Variants in DMXL1 observed in about 807,000 individuals in gnomAD.
DMXL1 encodes Dmx like 1, also known as dmX-like protein 1.
DMXL1 carries 99 observed loss-of-function variants against 319.2 expected under a neutral mutation model. The observed-to-expected ratio is 0.31, with a 90% CI of 0.26 to 0.37. DMXL1 has a LOEUF of 0.37. Ranked by LOEUF, DMXL1 falls within the 10% of genes least tolerant of loss-of-function variation. The pLI is 1.00. For missense variants in DMXL1, 3,745 were observed against 3,595.6 expected (o/e 1.04, Z -1.06); for synonymous variants, 1,385 against 1,235.2 (o/e 1.12, Z -2.54).
At chr5:119,131,275 G>C (rs1764832484) in intron 10 of DMXL1, among the ~76,000 whole-genome samples, 1 of 151,894 alleles carries the variant, frequency 6.6e-6, no homozygotes, top group Non-Finnish European at 1.5e-5. Flanking sequence ...ACCAGGAATT[G>C]GGGGAGGGTG....
intron 1 of DMXL1, among the ~76,000 whole-genome samples, chr5:119,089,721 G>C (rs867570812): frequency 6.6e-6 from 1 of 150,954 alleles, no homozygotes; most frequent in African/African-American, 2.4e-5. Context: ...CACCTCCTGG[G>C]TTCAAGCAAT....
intron 1 of DMXL1, among the ~76,000 whole-genome samples, chr5:119,088,511 A>C (rs2149725367): frequency 6.6e-6 from 1 of 152,298 alleles, no homozygotes; most frequent in South Asian, 2.1e-4. Flanking sequence ...ATTGGTAAGT[A>C]AGGATTTACT....
In DMXL1 at chr5:119,167,780, C is replaced by T; in HGVS notation, c.5314C>T (p.Leu1772Phe). ...CATAAATATGCATCATGATCCTTTT[C>T]TTCGGAGCATGGCATATTGGATTTT... ...LNINMHHDPF[L>F]RSMAYWILED... is the part of the protein sequence containing the mutation. The change falls in exon 23 of 44, where the codon CTT becomes TTT. Residue 1772 changes from leucine (L) to phenylalanine (F), a missense_variant. Coordinates refer to ENST00000539542, the MANE Select transcript of DMXL1 (RefSeq NM_001290321.3). 6.2e-7 allele frequency: 1 copy of T among 1,613,546 alleles called. No homozygotes were observed. The highest frequency in any genetic ancestry group is 8.5e-7 in the Non-Finnish European group (1 of 1,179,688).
At chr5:119,152,074 G>A (rs754357045) in intron 19 of DMXL1, 38 bp downstream of exon 19, 168 of 1,416,088 alleles carry the variant, frequency 1.2e-4, no homozygotes, top group South Asian at 3.4e-4. Flanking sequence ...GAAATAAAGC[G>A]AGTAGAAAAT....
chr5:119,188,225 T>A (rs547317131), intron 28 of DMXL1, among the ~76,000 whole-genome samples: 1 of 152,334 alleles, frequency 6.6e-6, no homozygotes, highest in South Asian at 2.1e-4. Flanking sequence ...TACGTGTTTT[T>A]TTTTCAGAGA....
At chr5:119,075,487 C>T (rs1750633103) in intron 1 of DMXL1, among the ~76,000 whole-genome samples, 1 of 152,072 alleles carries the variant, frequency 6.6e-6, no homozygotes, top group South Asian at 2.1e-4. Context: ...GATCCGCCCA[C>T]CTCGGCCTCC....
intron 33 of DMXL1, 127 bp from the exon 34 acceptor site, chr5:119,206,707 G>GT: frequency 1.8e-6 from 1 of 557,662 alleles, no homozygotes; most frequent in Non-Finnish European, 3.0e-6. Context: ...TTTGAGAATA[G>GT]TAACTCCATA....
chr5:119,130,383 C>A (rs1252930480), intron 10 of DMXL1, among the ~76,000 whole-genome samples: 1 of 151,764 alleles, frequency 6.6e-6, no homozygotes, highest in Non-Finnish European at 1.5e-5. Flanking sequence ...TGCTCTGTCA[C>A]CCAGGCTGGA....
At chr5:119,146,603 A>G (rs1337821834) in intron 15 of DMXL1, among the ~76,000 whole-genome samples, 1 of 152,038 alleles carries the variant, frequency 6.6e-6, no homozygotes, top group Non-Finnish European at 1.5e-5. Flanking sequence ...TGATGACTGT[A>G]AACCTATCAA....
chr5:119,193,952 C>G lies in DMXL1; in HGVS notation c.7439C>G (p.Ser2480Cys), dbSNP rs1434064817. Residue 2480 changes from serine (S) to cysteine (C), a missense_variant, in exon 30 of 44, where the codon TCT (serine) becomes TGT (cysteine). Coordinates refer to ENST00000539542, the MANE Select transcript of DMXL1 (RefSeq NM_001290321.3). ...TCAGATTTCCATCTCCAGGAACATT[C>G]TAATTCAAATTCATATAGGTATGGT... ...LASDFHLQEH[S>C]NSNSYSWSLM... 5.0e-6 allele frequency: 8 copies of G among 1,605,784 alleles called. No homozygotes were observed. The highest frequency in any genetic ancestry group is 1.1e-5 in the South Asian group (1 of 89,796).
intron 38 of DMXL1, among the ~76,000 whole-genome samples, chr5:119,229,054 T>A (rs1282709802): frequency 1.4e-5 from 2 of 140,110 alleles, no homozygotes; most frequent in Non-Finnish European, 3.0e-5. Flanking sequence ...GTGACTCATG[T>A]CTGTAATCCC....
At chr5:119,138,337 T>A (rs1345887139) in intron 13 of DMXL1, among the ~76,000 whole-genome samples, 1 of 152,216 alleles carries the variant, frequency 6.6e-6, no homozygotes, top group Admixed American at 6.5e-5. Flanking sequence ...AATGTAGAAG[T>A]AGCAGGTTTT....
intron 1 of DMXL1, among the ~76,000 whole-genome samples, chr5:119,071,943 C>A (rs1420516308): frequency 6.6e-6 from 1 of 152,092 alleles, no homozygotes; most frequent in Non-Finnish European, 1.5e-5. Flanking sequence ...GTCGTTTGTT[C>A]AAAAATCTTT....
chr5:119,097,639 C>A lies in DMXL1; in HGVS notation c.88-340C>A, dbSNP rs141448574. ...AATTGAGGCAGGAGAATGGCGTGAA[C>A]CTGGGAGGCGGAACTTGGAGTGAGC... On this transcript the variant is annotated intron_variant, in intron 1 of 43. Coordinates refer to ENST00000539542, the MANE Select transcript of DMXL1 (RefSeq NM_001290321.3). 5.4e-3 allele frequency among the ~76,000 whole-genome samples: 829 copies of A among 152,232 alleles called. 11 individuals carry two copies. Among genetic ancestry groups the A allele is most frequent in the African/African-American group, 0.019 (784 of 41,530 alleles).
rs762157938 is a variant in DMXL1 at position 119,133,544 on chromosome 5, C to G, written c.1620C>G (p.Asn540Lys). The G allele has an allele frequency of 1.2e-6, 2 of 1,613,126 alleles. No homozygotes were observed. The highest frequency in any genetic ancestry group is 3.3e-5 in the Admixed American group (2 of 59,870). The stretch of plus-strand genomic sequence containing the variant: ...TAGCTTTCCCCACAGGTGATGCAAA[C>G]TCTCTCTGTAAAAGCATAATGATGT... ...IPVAFPTGDA[N>K]SLCKSIMMYA... Residue 540 changes from asparagine (N) to lysine (K), a missense_variant, in exon 12 of 44, where the codon AAC becomes AAG. Around this residue, in one of 4 missense-constraint regions of DMXL1, gnomAD observed 2,096 missense variants for 1,985.4 expected, o/e 1.06. Transcript: ENST00000539542.
At chr5:119,123,913 T>C (rs948082713) in intron 9 of DMXL1, among the ~76,000 whole-genome samples, 2 of 149,592 alleles carry the variant, frequency 1.3e-5, no homozygotes, top group African/African-American at 4.9e-5. Context: ...TTTGATTTAA[T>C]GTGATACTTA....
Position 119,094,995 on chromosome 5 carries a change from A to G in DMXL1, c.88-2984A>G, listed in dbSNP as rs115712675. Among the ~76,000 whole-genome samples, 1,444 of 152,058 alleles carry G rather than the reference A, an allele frequency of 9.5e-3. 19 individuals carry two copies. The highest frequency in any genetic ancestry group is 0.027 in the South Asian group (129 of 4,820). On this transcript the variant is annotated intron_variant, in intron 1 of 43. Coordinates refer to ENST00000539542, the MANE Select transcript of DMXL1 (RefSeq NM_001290321.3). The stretch of plus-strand genomic sequence containing the variant: ...CTCAGCCTTTTGGGTAGCTGGGACT[A>G]CAGGCGTACGCCACTGCAACCAGCT...
Position 119,152,472 on chromosome 5 carries a change from A to G in DMXL1, c.4702+436A>G, listed in dbSNP as rs1581040716. ...AGAGTACAGAATATTGAAAGTGTAA[A>G]TTTACCCACACTTAAAACTACTGAT... On this transcript the variant is annotated intron_variant, in intron 19 of 43. Coordinates refer to ENST00000539542, the MANE Select transcript of DMXL1 (RefSeq NM_001290321.3). Among the ~76,000 whole-genome samples the G allele has an allele frequency of 2.0e-5, 3 of 152,302 alleles. No individual in the cohort carries two copies. In the East Asian group the frequency reaches 5.8e-4, roughly 29 times the overall value.
chr5:119,079,789 C>T (rs904486926), intron 1 of DMXL1, among the ~76,000 whole-genome samples: 4 of 152,206 alleles, frequency 2.6e-5, no homozygotes, highest in Admixed American at 2.0e-4. Context: ...TCATGTTGAT[C>T]ATTTTTTCCT....
Sources: gnomAD v4.1 joint callset for allele counts (sites outside exome capture counted in the v4.1 genomes callset) on GRCh38, gnomAD v4.1.1 for gene constraint, gnomAD v4.1.1 regional missense constraint, MANE v1.5 for transcripts, NCBI Gene and HGNC (gene_info 2026-07-23, HGNC 2026-07-21) for gene names.